The following DNAI7 variants were observed in gnomAD, a reference collection of about 807,000 sequenced individuals.
DNAI7 encodes the protein cancer susceptibility 1.
A neutral mutation model predicts 86.6 loss-of-function variants in DNAI7; 78 were observed. The observed-to-expected ratio is 0.90, with a 90% CI of 0.75 to 1.09. DNAI7 has a LOEUF of 1.09. DNAI7 is among the 50% of genes least tolerant of loss of function. DNAI7 has a pLI of 0.00. For synonymous variants in DNAI7, 274 were observed against 273.0 expected (o/e 1.00, Z -0.04); for missense variants, 753 against 810.2 (o/e 0.93, Z 0.86).
At chr12:25,157,982 C>A (rs1326282918) in intron 4 of DNAI7, among the ~76,000 whole-genome samples, 2 of 152,100 alleles carry the variant, frequency 1.3e-5, no homozygotes, top group Non-Finnish European at 2.9e-5. Flanking sequence ...GTAATCCCAG[C>A]CCTTTGGGAG....
intron 3 of DNAI7, among the ~76,000 whole-genome samples, chr12:25,160,556 C>A (rs147709633): frequency 6.6e-6 from 1 of 152,248 alleles, no homozygotes; most frequent in East Asian, 1.9e-4. Flanking sequence ...ATTAGCCAAT[C>A]GGAATTAGTT....
chr12:25,155,349 C>T lies in DNAI7; in HGVS notation c.262G>A (p.Ala88Thr). 1.2e-6 allele frequency: 2 copies of T among 1,606,890 alleles called. No individual in the cohort carries two copies. Among genetic ancestry groups the T allele is most frequent in the Non-Finnish European group, 1.7e-6 (2 of 1,175,832 alleles). The change falls in exon 5 of 16, where the codon GCA (alanine) becomes ACA (threonine). Residue 88 changes from alanine (A) to threonine (T), a missense_variant. Transcript: ENST00000395987. Reference protein sequence around the residue: ...LYLLERCFPEAEKLKQETKLL... With the variant: ...LYLLERCFPETEKLKQETKLL... ...TTAGTTTCCTGTTTCAATTTCTCTG[C>T]TTCAGGAAAACACCTCTCTAATAAA...
In DNAI7 at chr12:25,133,458, T is replaced by A. The variant is rs138563376; in HGVS notation, c.1003-10172A>T. ...GAAAGGCGGTTTACACTGTTCAGAA[T>A]CTGTGGCAAGTATAGGCCCATCTGA... On this transcript the variant is annotated intron_variant, in intron 9 of 15. Coordinates refer to ENST00000395987, the MANE Select transcript of DNAI7 (RefSeq NM_018272.5). 2.0e-5 allele frequency among the ~76,000 whole-genome samples: 3 copies of A among 152,304 alleles called. No individual in the cohort carries two copies. In the East Asian group the frequency reaches 5.8e-4, roughly 29 times the overall value.
chr12:25,114,571 A>G (rs1939678559), intron 13 of DNAI7, 85 bp downstream of exon 13: 1 of 800,256 alleles, frequency 1.2e-6, no homozygotes, highest in African/African-American at 1.7e-5. Context: ...ATCAGCAGCC[A>G]CTGATTGCTT....
At chr12:25,154,216 G>T (rs1945887386) in intron 6 of DNAI7, 103 bp downstream of exon 6, 1 of 893,834 alleles carries the variant, frequency 1.1e-6, no homozygotes, top group Non-Finnish European at 1.7e-6. Flanking sequence ...GGGTTCAAAA[G>T]CAGTAGTGTT....
At chr12:25,113,949 T>TTG (rs1565622485) in intron 13 of DNAI7, among the ~76,000 whole-genome samples, 2 of 53,346 alleles carry the variant, frequency 3.7e-5, no homozygotes, top group Non-Finnish European at 1.1e-4. Context: ...TTTTTTTTTT[T>TTG]TTTTTTTTTT....
In DNAI7 at chr12:25,110,212, C is replaced by T. The variant is rs1051103152; in HGVS notation, c.1808G>A (p.Arg603Gln). The T allele has an allele frequency of 9.9e-6, 16 of 1,610,060 alleles. No homozygotes were observed. Among genetic ancestry groups the T allele is most frequent in the East Asian group, 4.5e-5 (2 of 44,872 alleles). Residue 603 changes from arginine to glutamine, a missense_variant, in exon 15 of 16, where the codon CGA becomes CAA. By Grantham distance (43) the Arg-to-Gln change is conservative. Transcript: ENST00000395987. ...AGCAGAACTTAGTAGGGCCATCTGT[C>T]GATAAGCTTTCACTTCTACCAAAGG... is the stretch of plus-strand genomic sequence containing the variant. ...KVPLVEVKAYRQMALLSSAFA... is the reference protein window; with the variant it reads ...KVPLVEVKAYQQMALLSSAFA...
intron 4 of DNAI7, among the ~76,000 whole-genome samples, chr12:25,156,420 T>A (rs1348674792): frequency 6.6e-6 from 1 of 152,206 alleles, no homozygotes; most frequent in Non-Finnish European, 1.5e-5. Context: ...AGAAAACTTG[T>A]ATCTATCACT....
chr12:25,160,528 C>G (rs911087942), intron 3 of DNAI7, among the ~76,000 whole-genome samples: 3 of 152,176 alleles, frequency 2.0e-5, no homozygotes, highest in Non-Finnish European at 4.4e-5. Context: ...AAAGCGCTCA[C>G]CCCGTCATTC....
intron 7 of DNAI7, among the ~76,000 whole-genome samples, 171 bp downstream of exon 7, chr12:25,149,457 A>C (rs1290712999): frequency 1.3e-5 from 2 of 152,154 alleles, no homozygotes; most frequent in East Asian, 3.8e-4. Context: ...ATTATGTTTA[A>C]AAATAAAATA....
At chr12:25,141,927 G>T (rs1482070841) in intron 9 of DNAI7, among the ~76,000 whole-genome samples, 1 of 152,180 alleles carries the variant, frequency 6.6e-6, no homozygotes, top group Non-Finnish European at 1.5e-5. Flanking sequence ...CTGATGGTGG[G>T]AATGTAAACT....
At position 25,136,459 on chromosome 12, in the gene DNAI7, A is replaced by G. The variant is rs146873613; in HGVS notation, c.1002+7906T>C. On this transcript the variant is annotated intron_variant, in intron 9 of 15. Transcript: ENST00000395987. ...TCTCATATAGTTTACCCAAGTGAGT[A>G]GGAACCAGAAAAACAATTCTGGTAA... is the stretch of plus-strand genomic sequence containing the variant. Among the ~76,000 whole-genome samples the G allele has an allele frequency of 1.4e-3, 211 of 152,340 alleles. 3 individuals carry two copies. Among genetic ancestry groups the G allele is most frequent in the African/African-American group, 4.9e-3 (203 of 41,588 alleles).
chr12:25,153,002 G>A (rs1463379976), intron 6 of DNAI7, among the ~76,000 whole-genome samples: 1 of 152,080 alleles, frequency 6.6e-6, no homozygotes, highest in Non-Finnish European at 1.5e-5. Flanking sequence ...CCATTCTTCT[G>A]TATCCCTTCT....
chr12:25,109,414 TCTCA>T (rs150560751), intron 15 of DNAI7, among the ~76,000 whole-genome samples: 15,408 of 151,844 alleles, frequency 0.1, 1,129 homozygotes, highest in Non-Finnish European at 0.14. Flanking sequence ...GAGATGGGGG[TCTCA>T]CTCTGCTGTT....
chr12:25,156,105 C>T (rs1002718680), intron 4 of DNAI7, among the ~76,000 whole-genome samples: 5 of 83,110 alleles, frequency 6.0e-5, no homozygotes, highest in Non-Finnish European at 1.3e-4. Context: ...CTCTAAATCA[C>T]GTTACAAAAA....
intron 2 of DNAI7, among the ~76,000 whole-genome samples, chr12:25,174,585 A>ATATATGGGATATATATC (rs1948703615): frequency 8.8e-6 from 1 of 114,138 alleles, no homozygotes; most frequent in East Asian, 2.2e-4. Flanking sequence ...TATATATCAT[A>ATATATGGGATATATATC]TATATGGGAT....
At chr12:25,141,470 A>T (rs1475718795) in intron 9 of DNAI7, among the ~76,000 whole-genome samples, 6 of 152,238 alleles carry the variant, frequency 3.9e-5, no homozygotes, top group Admixed American at 3.9e-4. Context: ...AAAAATGCTC[A>T]ACATTACTAA....
intron 10 of DNAI7, 98 bp from the exon 11 acceptor site, chr12:25,122,011 T>C (rs1941379344): frequency 2.4e-6 from 2 of 816,708 alleles, no homozygotes; most frequent in Non-Finnish European, 3.8e-6. Flanking sequence ...AGGAAGTTTC[T>C]ATTCAACCAG....
In DNAI7 at chr12:25,124,428, C is replaced by T. The variant is rs1349045253; in HGVS notation, c.1003-1142G>A. Among the ~76,000 whole-genome samples, 3 of 151,868 alleles carry T rather than the reference C, an allele frequency of 2.0e-5. No individual in the cohort carries two copies. The South Asian group carries it at 6.2e-4, about 32-fold the overall frequency. Reference sequence around the variant, plus strand: ...GACACTGGCAATAAAAAACAAGGTCCCTGACATAAGGAACTTCCAGACTAT... The same window carrying T: ...GACACTGGCAATAAAAAACAAGGTCTCTGACATAAGGAACTTCCAGACTAT... On this transcript the variant is annotated intron_variant, in intron 9 of 15. Transcript: ENST00000395987.
Sources: gnomAD v4.1 joint callset for allele counts (sites outside exome capture counted in the v4.1 genomes callset) on GRCh38, gnomAD v4.1.1 for gene constraint, MANE v1.5 for transcripts, NCBI Gene and HGNC (gene_info 2026-07-23, HGNC 2026-07-21) for gene names.